Variants in DNAJC1 observed in about 807,000 individuals in gnomAD.
DNAJC1 encodes the protein DnaJ heat shock protein family (Hsp40) member C1, also known as dnaJ homolog subfamily C member 1.
A neutral mutation model predicts 76.6 loss-of-function variants in DNAJC1; 58 were observed. That is an observed-to-expected ratio of 0.76 (90% CI 0.61 to 0.94). The LOEUF (loss-of-function observed/expected upper bound fraction) is 0.94. Among genes scored for constraint, DNAJC1 ranks in the 40% least tolerant of loss-of-function variants. The pLI, the probability that DNAJC1 is intolerant of heterozygous loss-of-function variation, is 0.00. For synonymous variants in DNAJC1, 258 were observed against 267.9 expected (o/e 0.96, Z 0.36); for missense variants, 689 against 677.3 (o/e 1.02, Z -0.19).
intron 6 of DNAJC1, among the ~76,000 whole-genome samples, chr10:21,906,656 G>A (rs1836750789): frequency 6.6e-6 from 1 of 152,058 alleles, no homozygotes; most frequent in South Asian, 2.1e-4. Flanking sequence ...GGACAGATTT[G>A]GAGCCAGACT....
intron 8 of DNAJC1, among the ~76,000 whole-genome samples, chr10:21,861,517 C>T (rs949415777): frequency 6.6e-6 from 1 of 152,134 alleles, no homozygotes; most frequent in African/African-American, 2.4e-5. Context: ...TAAAATGAGG[C>T]TGAGACCTAC....
intron 9 of DNAJC1, among the ~76,000 whole-genome samples, chr10:21,788,529 TAAG>T (rs1220774224): frequency 6.6e-6 from 1 of 152,194 alleles, no homozygotes; most frequent in Admixed American, 6.5e-5. Context: ...TCTGGGCTGT[TAAG>T]ACACCTCCCT....
chr10:21,813,958 T>C (rs1436376263), intron 8 of DNAJC1, among the ~76,000 whole-genome samples: 1 of 152,210 alleles, frequency 6.6e-6, no homozygotes, highest in African/African-American at 2.4e-5. Context: ...AGGAGTCTCA[T>C]GTCTTCTACC....
chr10:21,810,885 T>C (rs1834952806), intron 8 of DNAJC1, among the ~76,000 whole-genome samples: 2 of 152,170 alleles, frequency 1.3e-5, no homozygotes, highest in Non-Finnish European at 2.9e-5. Flanking sequence ...CTGGTAAATA[T>C]TTTGGTATTA....
At chr10:21,855,415 T>C (rs1407764703) in intron 8 of DNAJC1, among the ~76,000 whole-genome samples, 1 of 152,180 alleles carries the variant, frequency 6.6e-6, no homozygotes, top group Non-Finnish European at 1.5e-5. Flanking sequence ...ATATCTTTAA[T>C]TCAAAAGGCC....
intron 8 of DNAJC1, among the ~76,000 whole-genome samples, chr10:21,872,692 A>G (rs1439967261): frequency 1.3e-5 from 2 of 152,210 alleles, no homozygotes; most frequent in Non-Finnish European, 2.9e-5. Context: ...AAGCATATCA[A>G]TATATGAACA....
intron 9 of DNAJC1, among the ~76,000 whole-genome samples, chr10:21,772,523 C>T (rs1834398420): frequency 6.6e-6 from 1 of 152,006 alleles, no homozygotes; most frequent in Admixed American, 6.5e-5. Flanking sequence ...TCTTGACATA[C>T]ATTTATTCAC....
At chr10:21,899,212 G>A (rs2131739400) in intron 7 of DNAJC1, among the ~76,000 whole-genome samples, 1 of 152,334 alleles carries the variant, frequency 6.6e-6, no homozygotes, top group South Asian at 2.1e-4. Flanking sequence ...AGTCTTGGCA[G>A]AGCAGCCACT....
chr10:21,771,992 T>A (rs149287388), intron 9 of DNAJC1, among the ~76,000 whole-genome samples: 2 of 152,328 alleles, frequency 1.3e-5, no homozygotes, highest in Non-Finnish European at 2.9e-5. Context: ...AGTACAGTGG[T>A]GTGATCAAAG....
intron 8 of DNAJC1, among the ~76,000 whole-genome samples, chr10:21,851,086 C>T (rs192622850): frequency 7.9e-5 from 12 of 152,216 alleles, no homozygotes; most frequent in East Asian, 1.9e-4. Flanking sequence ...GTAAAATTCA[C>T]GCTCTTGGAT....
chr10:21,903,815 G>C (rs969328733), intron 7 of DNAJC1, among the ~76,000 whole-genome samples: 1 of 152,034 alleles, frequency 6.6e-6, no homozygotes, highest in Non-Finnish European at 1.5e-5. Context: ...TACTGGGGGT[G>C]GGGGGTTGGA....
At chr10:21,777,771 T>TC (rs1834471926) in intron 9 of DNAJC1, among the ~76,000 whole-genome samples, 1 of 152,240 alleles carries the variant, frequency 6.6e-6, no homozygotes, top group Non-Finnish European at 1.5e-5. Context: ...CTACTTTATC[T>TC]CTTTTTAAAA....
In DNAJC1 at chr10:21,920,791, C is replaced by T. The variant is rs935276652; in HGVS notation, c.537+7G>A. Reference sequence around the variant, plus strand: ...GCTAGTTCATTTGATTTATTACTAACACTTACCAGTTGTTTTTCCAGGTAG... The same window carrying T: ...GCTAGTTCATTTGATTTATTACTAATACTTACCAGTTGTTTTTCCAGGTAG... On this transcript the variant is annotated splice_region_variant and intron_variant, in intron 4 of 11. Coordinates refer to ENST00000376980, the MANE Select transcript of DNAJC1 (RefSeq NM_022365.4). The T allele has an allele frequency of 3.1e-6, 5 of 1,605,036 alleles. No homozygotes were observed. In the African/African-American group the frequency reaches 4.0e-5, roughly 13 times the overall value.
chr10:21,991,561 T>TA (rs1207225067), intron 1 of DNAJC1, among the ~76,000 whole-genome samples: 3 of 152,102 alleles, frequency 2.0e-5, no homozygotes, highest in Non-Finnish European at 4.4e-5. Context: ...ACACTGGGTT[T>TA]AAAAAAATAC....
At chr10:21,999,764 A>G (rs1838487481) in intron 1 of DNAJC1, among the ~76,000 whole-genome samples, 1 of 151,966 alleles carries the variant, frequency 6.6e-6, no homozygotes, top group African/African-American at 2.4e-5. Flanking sequence ...CTTGACTCTT[A>G]AAGTCTGGAA....
chr10:21,907,721 A>C (rs1836769295), intron 6 of DNAJC1, among the ~76,000 whole-genome samples: 1 of 151,930 alleles, frequency 6.6e-6, no homozygotes, highest in South Asian at 2.1e-4. Context: ...TCACACCTGC[A>C]ATCCTAGCAC....
chr10:21,842,497 G>A (rs1321901992), intron 8 of DNAJC1, among the ~76,000 whole-genome samples: 2 of 152,188 alleles, frequency 1.3e-5, no homozygotes, highest in Non-Finnish European at 2.9e-5. Context: ...TAAGTTACAA[G>A]TACAGATATG....
At chr10:21,870,271 T>C (rs550648277) in intron 8 of DNAJC1, among the ~76,000 whole-genome samples, 1 of 152,000 alleles carries the variant, frequency 6.6e-6, no homozygotes, top group African/African-American at 2.4e-5. Context: ...TAAATAAAAA[T>C]TTTTTAGCAA....
intron 8 of DNAJC1, among the ~76,000 whole-genome samples, chr10:21,850,905 A>G (rs573465685): frequency 6.6e-6 from 1 of 152,198 alleles, no homozygotes; most frequent in Non-Finnish European, 1.5e-5. Context: ...ACAGGTGACA[A>G]GTCCATTTAA....
Sources: allele counts gnomAD v4.1 joint callset (sites outside exome capture counted in the v4.1 genomes callset), GRCh38; gene constraint gnomAD v4.1.1; transcripts MANE v1.5; gene names NCBI Gene and HGNC (gene_info 2026-07-23, HGNC 2026-07-21).